Variants in ICA1 observed in about 807,000 individuals in gnomAD.
The protein encoded by ICA1 is 69 kDa islet cell autoantigen.
Under a neutral mutation model 71.0 loss-of-function variants are expected in ICA1, and 40 were observed. That is an observed-to-expected ratio of 0.56 (90% confidence interval 0.44 to 0.73). ICA1 has a LOEUF of 0.73. ICA1 is among the 30% of genes least tolerant of loss of function. The pLI is 0.00. For missense variants in ICA1, 578 were observed against 576.5 expected (o/e 1.00, Z -0.03); for synonymous variants, 207 against 209.5 (o/e 0.99, Z 0.10).
At chr7:8,198,765 T>C (rs917410312) in intron 6 of ICA1, among the ~76,000 whole-genome samples, 9 of 151,910 alleles carry the variant, frequency 5.9e-5, no homozygotes, top group African/African-American at 2.2e-4. Flanking sequence ...TCAGTGACAA[T>C]AAAGGGAGCA....
chr7:8,159,539 C>A lies in ICA1; in HGVS notation c.580-887G>T, dbSNP rs567704352. Among the ~76,000 whole-genome samples the A allele has an allele frequency of 3.9e-5, 6 of 151,996 alleles. No individual in the cohort carries two copies. In the East Asian group the frequency reaches 9.7e-4, roughly 25 times the overall value. On this transcript the variant is annotated intron_variant, in intron 6 of 13. Transcript: ENST00000402384. ...CCAGCCTGGGCAAAACGGTGAAACC[C>A]CATCTCTACAACAACAAAGGTGTGG...
intron 13 of ICA1, among the ~76,000 whole-genome samples, chr7:8,120,180 C>T (rs912406270): frequency 8.5e-5 from 13 of 152,164 alleles, no homozygotes; most frequent in Admixed American, 3.3e-4. Flanking sequence ...TCCCTTTCCC[C>T]GTAGTGTGAG....
At chr7:8,152,607 A>ATCT (rs1425856480) in intron 8 of ICA1, among the ~76,000 whole-genome samples, 46 of 142,060 alleles carry the variant, frequency 3.2e-4, no homozygotes, top group Non-Finnish European at 5.6e-4. Flanking sequence ...CCCCAGCACT[A>ATCT]CCACCATCAC....
chr7:8,149,558 A>G (rs1798119415), intron 8 of ICA1, among the ~76,000 whole-genome samples: 1 of 152,258 alleles, frequency 6.6e-6, no homozygotes, highest in East Asian at 1.9e-4. Flanking sequence ...TTAGGAAAAT[A>G]AAAGCAACAG....
intron 6 of ICA1, among the ~76,000 whole-genome samples, chr7:8,193,054 T>C (rs1786247496): frequency 6.6e-6 from 1 of 152,196 alleles, no homozygotes; most frequent in African/African-American, 2.4e-5. Flanking sequence ...GAAACAAAGA[T>C]CTGGTTTCTA....
intron 1 of ICA1, among the ~76,000 whole-genome samples, chr7:8,253,717 A>G (rs185053607): frequency 2.8e-4 from 42 of 152,344 alleles, no homozygotes; most frequent in African/African-American, 8.9e-4. Flanking sequence ...AACTTTTCAT[A>G]TACATACATG....
intron 1 of ICA1, among the ~76,000 whole-genome samples, chr7:8,243,500 C>A (rs1804763787): frequency 6.6e-6 from 1 of 152,206 alleles, no homozygotes; most frequent in South Asian, 2.1e-4. Flanking sequence ...CCTCTGAAAA[C>A]TGGCACAAGA....
intron 1 of ICA1, among the ~76,000 whole-genome samples, chr7:8,243,933 G>A (rs1387030680): frequency 2.6e-5 from 4 of 152,300 alleles, no homozygotes; most frequent in African/African-American, 4.8e-5. Context: ...CAAACAAATG[G>A]AAGAACATTC....
chr7:8,207,199 CAGAT>C (rs1791904419), intron 6 of ICA1, among the ~76,000 whole-genome samples: 1 of 152,156 alleles, frequency 6.6e-6, no homozygotes. Context: ...GATGGATGCA[CAGAT>C]AGATGGGTGG....
intron 1 of ICA1, among the ~76,000 whole-genome samples, chr7:8,249,960 A>G (rs1309062162): frequency 6.6e-6 from 1 of 152,254 alleles, no homozygotes; most frequent in Non-Finnish European, 1.5e-5. Flanking sequence ...AGAACTGAAT[A>G]AAGCCCCTTC....
Position 8,127,945 on chromosome 7 carries a change from G to A in ICA1, c.1258C>T (p.Gln420Ter). Reference sequence around the variant, plus strand: ...GAAGGAAGGAAACCTGAGCCTGTCTGGGCCTTGGGGTCTGGCTCTCCCAGG... The same window carrying A: ...GAAGGAAGGAAACCTGAGCCTGTCTAGGCCTTGGGGTCTGGCTCTCCCAGG... The part of the protein sequence containing the change: ...MALGEPDPKA[Q>*]TGSGFLPSQL... The change falls in exon 13 of 14, where the codon CAG becomes TAG. Residue 420 changes from glutamine (Q) to a stop codon, truncating the protein, a stop_gained. Coordinates refer to ENST00000402384, the MANE Select transcript of ICA1 (RefSeq NM_001136020.3). LOFTEE classifies it high-confidence loss of function. The A allele has an allele frequency of 6.2e-7, 1 of 1,614,250 alleles. No individual in the cohort carries two copies. Among genetic ancestry groups the A allele is most frequent in the Non-Finnish European group, 8.5e-7 (1 of 1,180,036 alleles).
At chr7:8,230,701 T>C (rs755974708) in intron 3 of ICA1, among the ~76,000 whole-genome samples, 4 of 152,240 alleles carry the variant, frequency 2.6e-5, no homozygotes, top group Admixed American at 6.5e-5. Context: ...ATAAAAAGCA[T>C]ATATGCTTAT....
intron 12 of ICA1, among the ~76,000 whole-genome samples, chr7:8,136,375 C>T (rs1053128386): frequency 2.6e-5 from 4 of 152,160 alleles, no homozygotes; most frequent in African/African-American, 7.2e-5. Context: ...TGTTTAATGT[C>T]GTGCATATTG....
At chr7:8,151,743 G>T (rs556109433) in intron 8 of ICA1, among the ~76,000 whole-genome samples, 4 of 152,176 alleles carry the variant, frequency 2.6e-5, no homozygotes, top group Non-Finnish European at 5.9e-5. Context: ...GAAGAAGGCT[G>T]CGAGGCATAT....
At chr7:8,181,341 A>T (rs1331700138) in intron 6 of ICA1, among the ~76,000 whole-genome samples, 1 of 152,180 alleles carries the variant, frequency 6.6e-6, no homozygotes, top group East Asian at 1.9e-4. Flanking sequence ...GATCTACTGG[A>T]TCATTCTTTA....
intron 4 of ICA1, chr7:8,228,000 G>A (rs893482886): frequency 3.6e-6 from 1 of 276,708 alleles, no homozygotes. Context: ...ACTTCCCATA[G>A]TCTAGTCTCA....
chr7:8,252,366 T>C (rs1253025790), intron 1 of ICA1, among the ~76,000 whole-genome samples: 1 of 152,228 alleles, frequency 6.6e-6, no homozygotes, highest in Non-Finnish European at 1.5e-5. Context: ...ATGTTATCCT[T>C]ATATTTTATT....
intron 13 of ICA1, among the ~76,000 whole-genome samples, chr7:8,121,757 T>C (rs555848258): frequency 2.2e-4 from 33 of 152,236 alleles, no homozygotes; most frequent in South Asian, 1.0e-3. Flanking sequence ...AAGAGTATAA[T>C]TGGAATGTGT....
chr7:8,118,727 T>A (rs1785605202), intron 13 of ICA1, among the ~76,000 whole-genome samples: 1 of 152,172 alleles, frequency 6.6e-6, no homozygotes, highest in Non-Finnish European at 1.5e-5. Flanking sequence ...TGTCACCCTT[T>A]CCTTCAATCC....
Sources: gnomAD v4.1 joint callset for allele counts (sites outside exome capture counted in the v4.1 genomes callset) on GRCh38, gnomAD v4.1.1 for gene constraint, MANE v1.5 for transcripts, NCBI Gene and HGNC (gene_info 2026-07-23, HGNC 2026-07-21) for gene names.